Variants in NRG1 observed in about 807,000 individuals in gnomAD.
NRG1 encodes pro-neuregulin-1, membrane-bound isoform.
NRG1 carries 18 observed loss-of-function variants against 63.8 expected under a neutral mutation model. The ratio of observed to expected loss-of-function variants is 0.28; its 90% CI spans 0.19 to 0.42. The LOEUF is 0.42. Among genes scored for constraint, NRG1 ranks in the 10% least tolerant of loss-of-function variants. The pLI is 1.00. For missense variants in NRG1, 762 were observed against 814.7 expected (o/e 0.94, Z 0.79); for synonymous variants, 302 against 301.3 (o/e 1.00, Z -0.02).
At chr8:31,881,186 T>A (rs898579048) in intron 1 of NRG1, among the ~76,000 whole-genome samples, 1 of 152,202 alleles carries the variant, frequency 6.6e-6, no homozygotes, top group Non-Finnish European at 1.5e-5. Context: ...TTTTTGACAA[T>A]CCTATGTCAA....
At chr8:31,650,485 C>T (rs1239059232) in intron 1 of NRG1, among the ~76,000 whole-genome samples, 1 of 152,146 alleles carries the variant, frequency 6.6e-6, no homozygotes, top group East Asian at 1.9e-4. Flanking sequence ...TTACATATGC[C>T]ATTTCCTCTG....
At chr8:31,722,749 C>A (rs1216058134) in intron 1 of NRG1, among the ~76,000 whole-genome samples, 1 of 152,048 alleles carries the variant, frequency 6.6e-6, no homozygotes, top group Non-Finnish European at 1.5e-5. Context: ...TCTGTATGAC[C>A]TAATGAAAAG....
chr8:32,583,336 A>G (rs1482590718), intron 1 of NRG1, among the ~76,000 whole-genome samples: 3 of 152,050 alleles, frequency 2.0e-5, no homozygotes, highest in Non-Finnish European at 4.4e-5. Context: ...ATTCAGAGTA[A>G]TTTTGTGACT....
chr8:32,157,049 C>CGTGTGTGTGTGT (rs34725608), intron 1 of NRG1, among the ~76,000 whole-genome samples: 1 of 140,918 alleles, frequency 7.1e-6, no homozygotes, highest in South Asian at 2.4e-4. Flanking sequence ...AATTAAAACT[C>CGTGTGTGTGTGT]GTGTGTGTGT....
intron 2 of NRG1, among the ~76,000 whole-genome samples, chr8:32,605,029 T>C (rs547889630): frequency 2.9e-4 from 44 of 152,174 alleles, no homozygotes; most frequent in Non-Finnish European, 5.9e-4. Flanking sequence ...TCCCTTCCTT[T>C]TGGAATTGAT....
At chr8:32,700,782 T>C (rs1036718985) in intron 5 of NRG1, among the ~76,000 whole-genome samples, 1 of 152,214 alleles carries the variant, frequency 6.6e-6, no homozygotes, top group African/African-American at 2.4e-5. Context: ...ACTGATACAT[T>C]TTAAGATAAG....
chr8:32,171,708 A>G (rs941169753), intron 1 of NRG1, among the ~76,000 whole-genome samples: 2 of 152,294 alleles, frequency 1.3e-5, no homozygotes, highest in South Asian at 2.1e-4. Flanking sequence ...TATCCCACGC[A>G]TGGCTTGGAG....
intron 1 of NRG1, among the ~76,000 whole-genome samples, chr8:31,903,629 C>G (rs1832285649): frequency 1.3e-5 from 2 of 152,040 alleles, no homozygotes; most frequent in Admixed American, 6.6e-5. Context: ...GTTTTCATAT[C>G]TAAATTTATA....
intron 1 of NRG1, among the ~76,000 whole-genome samples, chr8:32,147,066 T>G (rs1836946411): frequency 6.6e-6 from 1 of 152,234 alleles, no homozygotes; most frequent in African/African-American, 2.4e-5. Context: ...CACCTCTAGA[T>G]CACTCTTTTC....
At chr8:32,579,796 A>G (rs527364268) in intron 1 of NRG1, among the ~76,000 whole-genome samples, 1 of 152,308 alleles carries the variant, frequency 6.6e-6, no homozygotes, top group South Asian at 2.1e-4. Context: ...TGAATTTATT[A>G]TCTTAGAGTT....
At chr8:31,819,436 C>A (rs1823792668) in intron 1 of NRG1, among the ~76,000 whole-genome samples, 1 of 152,142 alleles carries the variant, frequency 6.6e-6, no homozygotes, top group African/African-American at 2.4e-5. Flanking sequence ...TATTTTGTGC[C>A]TTTTATTTAA....
intron 1 of NRG1, among the ~76,000 whole-genome samples, chr8:31,795,405 A>G (rs1586468157): frequency 6.6e-6 from 1 of 152,166 alleles, no homozygotes; most frequent in Non-Finnish European, 1.5e-5. Flanking sequence ...CATAAAAGTG[A>G]TAGAGCGCTT....
intron 1 of NRG1, among the ~76,000 whole-genome samples, chr8:31,947,116 A>G (rs913867874): frequency 4.6e-5 from 7 of 151,756 alleles, no homozygotes; most frequent in Admixed American, 3.3e-4. Flanking sequence ...CTGGCTAACA[A>G]GGTGAAACCC....
chr8:32,561,697 C>T (rs2129527039), intron 1 of NRG1, among the ~76,000 whole-genome samples: 1 of 152,342 alleles, frequency 6.6e-6, no homozygotes, highest in South Asian at 2.1e-4. Flanking sequence ...ACTGACCAGT[C>T]ACTGATTGCA....
intron 1 of NRG1, among the ~76,000 whole-genome samples, chr8:32,307,642 C>T (rs1433141680): frequency 6.7e-6 from 1 of 148,164 alleles, no homozygotes; most frequent in Non-Finnish European, 1.5e-5. Flanking sequence ...TGTGTTTAAC[C>T]TGTGAGATAA....
chr8:32,043,434 C>G (rs565915932), intron 1 of NRG1, among the ~76,000 whole-genome samples: 1 of 151,816 alleles, frequency 6.6e-6, no homozygotes, highest in Non-Finnish European at 1.5e-5. Context: ...CCAAAGATAC[C>G]CTCTAAAAAG....
At chr8:32,755,749 AT>A (rs112433027) in intron 8 of NRG1, among the ~76,000 whole-genome samples, 15,317 of 146,844 alleles carry the variant, frequency 0.1, 834 homozygotes, top group Admixed American at 0.11. Context: ...TCTACAGCAC[AT>A]TTTTTTTTTT....
At chr8:32,030,044 T>C (rs1460182420) in intron 1 of NRG1, among the ~76,000 whole-genome samples, 1 of 152,194 alleles carries the variant, frequency 6.6e-6, no homozygotes, top group Admixed American at 6.5e-5. Context: ...AAGTCCTTAA[T>C]ATTTTTACAA....
chr8:32,163,510 A>G (rs1156454851), intron 1 of NRG1, among the ~76,000 whole-genome samples: 1 of 152,194 alleles, frequency 6.6e-6, no homozygotes, highest in Non-Finnish European at 1.5e-5. Flanking sequence ...GCAAGAAGAA[A>G]AAGAACGTGG....
Sources: gnomAD v4.1 joint callset for allele counts (sites outside exome capture counted in the v4.1 genomes callset) on GRCh38, gnomAD v4.1.1 for gene constraint, MANE v1.5 for transcripts, NCBI Gene and HGNC (gene_info 2026-07-23, HGNC 2026-07-21) for gene names.